NRCAM: variants seen among roughly 807,000 people sequenced by gnomAD.
NRCAM encodes the protein NgCAM-related cell adhesion molecule.
Under a neutral mutation model 156.5 loss-of-function variants are expected in NRCAM, and 83 were observed. The observed-to-expected ratio is 0.53, with a 90% CI of 0.44 to 0.64. The LOEUF (loss-of-function observed/expected upper bound fraction) is 0.64. Ranked by LOEUF, NRCAM falls within the 30% of genes least tolerant of loss-of-function variation. The probability of loss-of-function intolerance (pLI) is 0.00; values close to 1 mark genes in which losing one functional copy is unlikely to be tolerated. For synonymous variants in NRCAM, 538 were observed against 563.9 expected, an observed-to-expected ratio of 0.95 and a Z score of 0.65; for missense variants, 1,417 against 1,597.3, an observed-to-expected ratio of 0.89 and a Z score of 1.92.
chr7:108,276,790 G>A (rs1048401378), intron 3 of NRCAM, among the ~76,000 whole-genome samples: 11 of 152,170 alleles, frequency 7.2e-5, no homozygotes, highest in Non-Finnish European at 1.2e-4. Context: ...GGTGCTACCT[G>A]ATTATTTTGC....
chr7:108,202,683 G>A (rs1211432137), intron 13 of NRCAM, among the ~76,000 whole-genome samples: 1 of 152,162 alleles, frequency 6.6e-6, no homozygotes, highest in East Asian at 1.9e-4. Flanking sequence ...TGAAATCCCA[G>A]GAATATCCTG....
At chr7:108,299,114 A>AAAAAAAAAAAAAGAAAAAAAG in intron 3 of NRCAM, among the ~76,000 whole-genome samples, 1 of 25,514 alleles carries the variant, frequency 3.9e-5, no homozygotes, top group African/African-American at 1.1e-4. Flanking sequence ...TCAAAAAAAA[A>AAAAAAAAAAAAAGAAAAAAAG]AAAGAAAGAA....
chr7:108,376,701 C>T (rs919564643), intron 2 of NRCAM, among the ~76,000 whole-genome samples: 2 of 152,156 alleles, frequency 1.3e-5, no homozygotes, highest in African/African-American at 4.8e-5. Context: ...TAGGCAAGGA[C>T]AGTATGGGAA....
At chr7:108,343,447 G>T (rs1311786439) in intron 2 of NRCAM, among the ~76,000 whole-genome samples, 5 of 152,112 alleles carry the variant, frequency 3.3e-5, no homozygotes, top group Non-Finnish European at 7.4e-5. Flanking sequence ...AAAGGAAAGG[G>T]AAATAGAAGG....
At chr7:108,183,079 T>A (rs1185597912) in intron 22 of NRCAM, among the ~76,000 whole-genome samples, 159 bp from the exon 23 acceptor site, 2 of 152,282 alleles carry the variant, frequency 1.3e-5, no homozygotes, top group African/African-American at 4.8e-5. Context: ...CTATCAATTG[T>A]GCATTTGCAA....
chr7:108,272,943 T>G (rs767396413), intron 3 of NRCAM, among the ~76,000 whole-genome samples: 44 of 152,070 alleles, frequency 2.9e-4, no homozygotes, highest in Non-Finnish European at 4.7e-4. Context: ...TTCCCCTCCC[T>G]GTGTCCATGT....
chr7:108,325,123 G>A (rs2099053878), intron 2 of NRCAM, among the ~76,000 whole-genome samples: 1 of 149,340 alleles, frequency 6.7e-6, no homozygotes, highest in Non-Finnish European at 1.5e-5. Context: ...GGAAAAGAAG[G>A]AAAATACATT....
At chr7:108,278,062 G>A (rs563331727) in intron 3 of NRCAM, among the ~76,000 whole-genome samples, 10 of 152,278 alleles carry the variant, frequency 6.6e-5, no homozygotes, top group East Asian at 1.9e-4. Context: ...TATCACCAGC[G>A]AAGGCTGCTG....
chr7:108,330,970 C>T (rs371409761), intron 2 of NRCAM, among the ~76,000 whole-genome samples: 1 of 152,140 alleles, frequency 6.6e-6, no homozygotes, highest in Admixed American at 6.5e-5. Flanking sequence ...CTTAGTTATG[C>T]TTAGTATCCA....
At chr7:108,434,524 C>A (rs1005376887) in intron 1 of NRCAM, among the ~76,000 whole-genome samples, 53 of 147,450 alleles carry the variant, frequency 3.6e-4, no homozygotes, top group Non-Finnish European at 1.3e-4. Context: ...ACCTACATAC[C>A]CATGGCCAAT....
At chr7:108,226,531 A>C (rs1265433512) in intron 8 of NRCAM, among the ~76,000 whole-genome samples, 153 bp from the exon 9 acceptor site, 1 of 4,334 alleles carries the variant, frequency 2.3e-4, no homozygotes, top group Non-Finnish European at 7.1e-4. Flanking sequence ...AAATAACTGT[A>C]AAAAAAAAAA....
intron 29 of NRCAM, 117 bp downstream of exon 29, chr7:108,168,160 T>A: frequency 9.1e-7 from 1 of 1,101,722 alleles, no homozygotes; most frequent in East Asian, 3.0e-5. Flanking sequence ...AACTCATTCA[T>A]TTAATTGGAT....
chr7:108,358,073 C>T (rs2099519160), intron 2 of NRCAM, among the ~76,000 whole-genome samples: 1 of 152,056 alleles, frequency 6.6e-6, no homozygotes, highest in African/African-American at 2.4e-5. Context: ...TGTTCCCTTT[C>T]CCCTCAAATG....
At chr7:108,180,943 C>T (rs1278796715) in intron 24 of NRCAM, among the ~76,000 whole-genome samples, 3 of 152,150 alleles carry the variant, frequency 2.0e-5, no homozygotes, top group African/African-American at 4.8e-5. Flanking sequence ...ACAGAGGTAT[C>T]AAGAGCCACA....
At chr7:108,417,888 G>A (rs968284803) in intron 1 of NRCAM, among the ~76,000 whole-genome samples, 2 of 152,144 alleles carry the variant, frequency 1.3e-5, no homozygotes, top group African/African-American at 4.8e-5. Flanking sequence ...AAGCTGCAAT[G>A]AATTAACAAT....
intron 1 of NRCAM, among the ~76,000 whole-genome samples, chr7:108,403,708 T>C: frequency 6.6e-6 from 1 of 152,172 alleles, no homozygotes; most frequent in East Asian, 1.9e-4. Context: ...ATTGGTAACA[T>C]GAACTTTGTA....
chr7:108,192,761 G>A (rs1042145986), intron 17 of NRCAM, among the ~76,000 whole-genome samples: 1 of 152,058 alleles, frequency 6.6e-6, no homozygotes, highest in African/African-American at 2.4e-5. Context: ...TTTCTTACAT[G>A]TATAAACTCT....
chr7:108,331,478 T>G (rs1363626438), intron 2 of NRCAM, among the ~76,000 whole-genome samples: 1 of 152,176 alleles, frequency 6.6e-6, no homozygotes, highest in Non-Finnish European at 1.5e-5. Flanking sequence ...ATGTTATAGT[T>G]CTAAACACCA....
intron 3 of NRCAM, among the ~76,000 whole-genome samples, chr7:108,295,474 T>C (rs529268511): frequency 2.0e-5 from 3 of 152,328 alleles, no homozygotes; most frequent in South Asian, 2.1e-4. Context: ...GGTTCACAGA[T>C]AATTTCTTGC....
Sources: allele counts gnomAD v4.1 joint callset (sites outside exome capture counted in the v4.1 genomes callset), GRCh38; gene constraint gnomAD v4.1.1; transcripts MANE v1.5; gene names NCBI Gene and HGNC (gene_info 2026-07-23, HGNC 2026-07-21).